Variants in KAZN observed in about 807,000 individuals in gnomAD.
The protein encoded by KAZN is kazrin.
Under a neutral mutation model 87.4 loss-of-function variants are expected in KAZN, and 40 were observed. That is an observed-to-expected ratio of 0.46 (90% CI 0.36 to 0.60). The LOEUF (loss-of-function observed/expected upper bound fraction) is 0.60, where lower values mean the gene tolerates loss of function less well. Among genes scored for constraint, KAZN ranks in the 20% least tolerant of loss-of-function variants. The pLI is 0.00. For missense variants in KAZN, 898 were observed against 1,073.9 expected (o/e 0.84, Z 2.29); for synonymous variants, 466 against 458.3 (o/e 1.02, Z -0.22).
chr1:15,060,462 C>G, intron 6 of KAZN, 160 bp downstream of exon 6: 1 of 976,456 alleles, frequency 1.0e-6, no homozygotes, highest in Non-Finnish European at 1.5e-6. Context: ...TTGCAAGAAG[C>G]GATGGATGTG....
Position 14,172,177 on chromosome 1 carries a change from C to T in KAZN, c.92-8258C>T, listed in dbSNP as rs570171541. Among the ~76,000 whole-genome samples, 4 of 152,330 alleles carry T rather than the reference C, an allele frequency of 2.6e-5. No individual in the cohort carries two copies. The South Asian group carries it at 8.3e-4, about 32-fold the overall frequency. ...ACCAAATAAACTGGTTTTTATGACT[C>T]AATTTCCTAAACTCAGGTAGGTAAG... On this transcript the variant is annotated intron_variant, in intron 1 of 16. Transcript: ENST00000636203.
intron 2 of KAZN, among the ~76,000 whole-genome samples, chr1:14,258,374 C>T (rs1178473017): frequency 6.7e-6 from 1 of 148,694 alleles, no homozygotes; most frequent in Non-Finnish European, 1.5e-5. Context: ...CGCCACCACG[C>T]CTGGCTAAAT....
intron 1 of KAZN, chr1:14,924,636 C>CG: frequency 1.1e-6 from 1 of 933,932 alleles, no homozygotes; most frequent in Non-Finnish European, 1.3e-6. Context: ...CCGCCGGGGC[C>CG]GGGCGCGCGA....
chr1:14,595,680 C>CAAAAAAAAAAAAAAAAAAAAAAAA (rs34080804), upstream of KAZN, among the ~76,000 whole-genome samples: 3 of 96,694 alleles, frequency 3.1e-5, no homozygotes, highest in African/African-American at 9.0e-5. Flanking sequence ...GACTGCGTCT[C>CAAAAAAAAAAAAAAAAAAAAAAAA]AAAAAAAAAA....
At chr1:14,705,470 A>G (rs1037652130) in intron 1 of KAZN, among the ~76,000 whole-genome samples, 1 of 152,206 alleles carries the variant, frequency 6.6e-6, no homozygotes, top group East Asian at 1.9e-4. Context: ...TCAAAGAGAC[A>G]CCTGCACCCC....
intron 1 of KAZN, among the ~76,000 whole-genome samples, chr1:14,819,231 C>T (rs1382213045): frequency 1.3e-5 from 2 of 152,170 alleles, no homozygotes; most frequent in Non-Finnish European, 2.9e-5. Flanking sequence ...TTAAGAGTCC[C>T]TTGTCAGGGG....
chr1:15,093,515 AAAT>A (rs1206970541), intron 8 of KAZN, among the ~76,000 whole-genome samples: 1 of 152,138 alleles, frequency 6.6e-6, no homozygotes, highest in Non-Finnish European at 1.5e-5. Context: ...GGGCGGGGGA[AAAT>A]AATCATTCGT....
At chr1:14,731,516 C>T (rs528551714) in intron 1 of KAZN, among the ~76,000 whole-genome samples, 4 of 152,274 alleles carry the variant, frequency 2.6e-5, no homozygotes, top group Admixed American at 1.3e-4. Context: ...TCCCTTCCCA[C>T]AGAAGGTTTT....
chr1:14,588,761 A>G (rs747834042), intron 2 of KAZN, among the ~76,000 whole-genome samples: 3 of 152,218 alleles, frequency 2.0e-5, no homozygotes, highest in South Asian at 4.1e-4. Flanking sequence ...CCTAGAAGGT[A>G]TCAAGCTCCC....
chr1:14,186,644 A>C (rs1646312410), intron 2 of KAZN, among the ~76,000 whole-genome samples: 1 of 152,204 alleles, frequency 6.6e-6, no homozygotes, highest in Non-Finnish European at 1.5e-5. Context: ...GACCGTGGGC[A>C]GGTAGGCTTG....
At chr1:15,047,428 A>C (rs921551949) in intron 4 of KAZN, among the ~76,000 whole-genome samples, 2 of 152,242 alleles carry the variant, frequency 1.3e-5, no homozygotes, top group East Asian at 3.9e-4. Flanking sequence ...GTCAGGGTCC[A>C]CACGTGCAGT....
intron 2 of KAZN, among the ~76,000 whole-genome samples, chr1:14,350,409 G>C (rs958708352): frequency 1.3e-5 from 2 of 152,200 alleles, no homozygotes; most frequent in Non-Finnish European, 2.9e-5. Context: ...CACAGAGCCT[G>C]GTTCCTCATT....
chr1:14,788,019 G>A (rs1557490053), intron 1 of KAZN, among the ~76,000 whole-genome samples: 2 of 152,216 alleles, frequency 1.3e-5, no homozygotes, highest in East Asian at 3.8e-4. Context: ...TACAGGAATG[G>A]CTGCATAGTT....
At chr1:13,929,047 C>CTT (rs33984927) in intron 1 of KAZN, among the ~76,000 whole-genome samples, 19 of 101,520 alleles carry the variant, frequency 1.9e-4, no homozygotes, top group East Asian at 5.4e-4. Flanking sequence ...AGCTTCAAGG[C>CTT]TTTTTTTTTT....
chr1:15,091,735 G>C (rs1410758047), intron 8 of KAZN, among the ~76,000 whole-genome samples: 1 of 152,208 alleles, frequency 6.6e-6, no homozygotes, highest in Non-Finnish European at 1.5e-5. Flanking sequence ...TATGAATGGA[G>C]CGTCATTCCT....
intron 2 of KAZN, among the ~76,000 whole-genome samples, chr1:14,538,103 T>C (rs1214136424): frequency 5.9e-5 from 9 of 152,144 alleles, no homozygotes; most frequent in Admixed American, 5.2e-4. Flanking sequence ...TGAACTTAGA[T>C]CTTGATTTAC....
At chr1:14,959,390 AT>A (rs1477181660) in intron 1 of KAZN, among the ~76,000 whole-genome samples, 1 of 151,548 alleles carries the variant, frequency 6.6e-6, no homozygotes, top group Non-Finnish European at 1.5e-5. Context: ...AGTGTGGCAT[AT>A]TGTAGAGAGA....
chr1:14,151,221 A>G (rs1169593487), intron 1 of KAZN, among the ~76,000 whole-genome samples: 2 of 152,214 alleles, frequency 1.3e-5, no homozygotes, highest in South Asian at 2.1e-4. Context: ...AAAGATGGGC[A>G]TATGAGTGAC....
At chr1:13,911,570 A>G (rs1033727450) in intron 1 of KAZN, among the ~76,000 whole-genome samples, 3 of 152,216 alleles carry the variant, frequency 2.0e-5, no homozygotes, top group Non-Finnish European at 4.4e-5. Flanking sequence ...TGGTTGAGTC[A>G]GAAGAAATGA....
Sources: gnomAD v4.1 joint callset for allele counts (sites outside exome capture counted in the v4.1 genomes callset) on GRCh38, gnomAD v4.1.1 for gene constraint, MANE v1.5 for transcripts, NCBI Gene and HGNC (gene_info 2026-07-23, HGNC 2026-07-21) for gene names.